The following SLIT3 variants were observed in gnomAD, a reference collection of about 807,000 sequenced individuals.
SLIT3 encodes the protein slit guidance ligand 3.
Under a neutral mutation model 184.0 loss-of-function variants are expected in SLIT3, and 68 were observed. The ratio of observed to expected loss-of-function variants is 0.37; its 90% CI spans 0.30 to 0.45. The LOEUF is 0.45. Among genes scored for constraint, SLIT3 ranks in the 20% least tolerant of loss-of-function variants. The probability of loss-of-function intolerance (pLI) is 1.00; values close to 1 mark genes in which losing one functional copy is unlikely to be tolerated. For missense variants in SLIT3, 1,707 were observed against 2,026.0 expected (o/e 0.84, Z 3.02); for synonymous variants, 831 against 828.6 (o/e 1.00, Z -0.05).
rs1017047964 is a variant in SLIT3 at position 169,064,246 on chromosome 5, G to C, written c.413+129233C>G. On this transcript the variant is annotated intron_variant, in intron 4 of 35. Transcript: ENST00000519560. Reference sequence around the variant, plus strand: ...TAACTGAAGTCGGGAGGGGAGGCAAGGGACAGAACAAACATTCTTTGCCTG... The same window carrying C: ...TAACTGAAGTCGGGAGGGGAGGCAACGGACAGAACAAACATTCTTTGCCTG... 1.1e-4 allele frequency among the ~76,000 whole-genome samples: 17 copies of C among 152,310 alleles called. 1 individual carries two copies. In the East Asian group the frequency reaches 3.3e-3, roughly 29 times the overall value.
At chr5:168,949,494 C>A (rs2113234411) in intron 4 of SLIT3, among the ~76,000 whole-genome samples, 1 of 152,312 alleles carries the variant, frequency 6.6e-6, no homozygotes, top group South Asian at 2.1e-4. Flanking sequence ...AGAGATCTTT[C>A]AAAAGTGTGT....
chr5:169,254,297 C>T (rs548939495), intron 1 of SLIT3, among the ~76,000 whole-genome samples: 9 of 152,240 alleles, frequency 5.9e-5, no homozygotes, highest in South Asian at 4.2e-4. Context: ...CCCACTGTCC[C>T]GGCCCAGGCT....
At chr5:169,281,881 C>CG (rs61127502) in intron 1 of SLIT3, among the ~76,000 whole-genome samples, 33 of 151,980 alleles carry the variant, frequency 2.2e-4, no homozygotes, top group Middle Eastern at 3.2e-3. Context: ...ATTTTCCCCC[C>CG]CAGGGGACAT....
chr5:169,068,924 A>T (rs529334759), intron 4 of SLIT3, among the ~76,000 whole-genome samples: 12 of 152,306 alleles, frequency 7.9e-5, no homozygotes, highest in African/African-American at 2.9e-4. Context: ...AGTGGCAATT[A>T]AATTTCAATT....
intron 3 of SLIT3, among the ~76,000 whole-genome samples, chr5:169,221,394 G>T (rs543081233): frequency 9.9e-5 from 15 of 152,258 alleles, no homozygotes; most frequent in Admixed American, 9.2e-4. Context: ...ACACTGGGCA[G>T]AATCGTGGAC....
intron 4 of SLIT3, among the ~76,000 whole-genome samples, chr5:168,962,630 C>A (rs936146063): frequency 6.6e-5 from 10 of 152,158 alleles, no homozygotes; most frequent in Admixed American, 5.2e-4. Flanking sequence ...ATTATCCATA[C>A]CCTGGAGTCC....
In SLIT3 at chr5:169,093,448, A is replaced by G. The variant is rs115275581; in HGVS notation, c.413+100031T>C. ...TTAACTTAATATTCAAAAGAACCCAATGAGGTCCTGGGGCAGGGGCTTGGG... is the reference window on the plus strand; with the variant it reads ...TTAACTTAATATTCAAAAGAACCCAGTGAGGTCCTGGGGCAGGGGCTTGGG... On this transcript the variant is annotated intron_variant, in intron 4 of 35. Transcript: ENST00000519560. Among the ~76,000 whole-genome samples, 1,063 of 139,266 alleles carry G rather than the reference A, an allele frequency of 7.6e-3. 12 individuals are homozygous for G. The highest frequency in any genetic ancestry group is 0.026 in the African/African-American group (993 of 38,788). The allele number at this position is 139,266 out of a possible 152,430, so 91.4% of individuals were successfully genotyped here. A position where few individuals can be genotyped will look rare whatever the true frequency, so the allele number is the denominator to read the frequency against.
chr5:168,856,806 T>TGCGCGC lies in SLIT3; in HGVS notation c.486-12157_486-12152dup, dbSNP rs61149576. Among the ~76,000 whole-genome samples, 234 of 137,800 alleles carry TGCGCGC rather than the reference T, an allele frequency of 1.7e-3. 2 individuals are homozygous for TGCGCGC. Among genetic ancestry groups the TGCGCGC allele is most frequent in the African/African-American group, 6.2e-3 (225 of 36,176 alleles). 90.4% of individuals were successfully genotyped at this position (137,800 alleles called of 152,430 possible). A position where few individuals can be genotyped will look rare whatever the true frequency, so the allele number is the denominator to read the frequency against. On this transcript the variant is annotated intron_variant, in intron 5 of 35. Transcript: ENST00000519560. Reference sequence around the variant, plus strand: ...GTGTGTGTGTGTGTGTGTGTGTGTGTGCGCGCGCGCGCACGCCTTTGTTCA... The same window carrying TGCGCGC: ...GTGTGTGTGTGTGTGTGTGTGTGTGTGCGCGCGCGCGCGCGCGCACGCCTTTGTTCA...
At chr5:169,103,949 C>T (rs1421182731) in intron 4 of SLIT3, among the ~76,000 whole-genome samples, 2 of 152,218 alleles carry the variant, frequency 1.3e-5, no homozygotes, top group African/African-American at 4.8e-5. Flanking sequence ...GGAGTTTCCT[C>T]CAGACCCGTC....
intron 35 of SLIT3, among the ~76,000 whole-genome samples, chr5:168,667,229 C>T (rs1487067463): frequency 6.6e-6 from 1 of 152,154 alleles, no homozygotes; most frequent in Non-Finnish European, 1.5e-5. Context: ...CAGTCACTAC[C>T]ACTCCCAATA....
At chr5:168,808,149 A>ATCTAATG (rs1175057987) in intron 8 of SLIT3, among the ~76,000 whole-genome samples, 1 of 151,926 alleles carries the variant, frequency 6.6e-6, no homozygotes, top group Non-Finnish European at 1.5e-5. Context: ...ACACAAGTGG[A>ATCTAATG]TCTAATGGAG....
At chr5:169,091,248 G>A (rs1454306469) in intron 4 of SLIT3, among the ~76,000 whole-genome samples, 3 of 151,966 alleles carry the variant, frequency 2.0e-5, no homozygotes, top group Non-Finnish European at 2.9e-5. Flanking sequence ...GACTCTACAC[G>A]GCATATCTTC....
intron 9 of SLIT3, among the ~76,000 whole-genome samples, chr5:168,801,309 G>T (rs1284540684): frequency 6.6e-6 from 1 of 152,174 alleles, no homozygotes; most frequent in African/African-American, 2.4e-5. Context: ...GGTTTGTTTT[G>T]TTGTGTTTTT....
intron 22 of SLIT3, among the ~76,000 whole-genome samples, chr5:168,722,692 T>G (rs1271464968): frequency 1.3e-5 from 2 of 152,218 alleles, no homozygotes; most frequent in Non-Finnish European, 2.9e-5. Context: ...CCACAAAAGG[T>G]ATTCCTAAGA....
At chr5:168,873,372 G>A (rs1029359629) in intron 5 of SLIT3, among the ~76,000 whole-genome samples, 2 of 151,740 alleles carry the variant, frequency 1.3e-5, no homozygotes, top group Non-Finnish European at 2.9e-5. Context: ...ACTCACACTC[G>A]TAATCCCAGC....
At chr5:168,683,734 G>T (rs974713422) in intron 32 of SLIT3, among the ~76,000 whole-genome samples, 6 of 152,204 alleles carry the variant, frequency 3.9e-5, no homozygotes, top group Admixed American at 3.3e-4. Context: ...TGGTGATGAG[G>T]TGTCACCTCC....
At chr5:169,183,440 T>C (rs1763234748) in intron 4 of SLIT3, among the ~76,000 whole-genome samples, 1 of 152,156 alleles carries the variant, frequency 6.6e-6, no homozygotes, top group African/African-American at 2.4e-5. Flanking sequence ...TACAACCCTT[T>C]CTCCCTACAT....
chr5:168,666,370 T>G lies in SLIT3; in HGVS notation c.*84A>C. Reference sequence around the variant, plus strand: ...TTCCTCTCCAGCTTCATTTCCTTCATGCTGAATCACCAGGGGGTCCCACAT... The same window carrying G: ...TTCCTCTCCAGCTTCATTTCCTTCAGGCTGAATCACCAGGGGGTCCCACAT... On this transcript the variant is annotated 3_prime_UTR_variant, in exon 36 of 36. Transcript: ENST00000519560. 2 of 1,317,230 alleles carry G rather than the reference T, an allele frequency of 1.5e-6. No homozygotes were observed. The highest frequency in any genetic ancestry group is 1.5e-5 in the African/African-American group (1 of 68,112). 81.6% of individuals were successfully genotyped at this position (1,317,230 alleles called of 1,614,324 possible).
chr5:168,887,284 G>C (rs1760256295), intron 4 of SLIT3, among the ~76,000 whole-genome samples: 1 of 152,160 alleles, frequency 6.6e-6, no homozygotes, highest in Non-Finnish European at 1.5e-5. Flanking sequence ...CATGCTACCA[G>C]GAAATCCTGT....
Sources: gnomAD v4.1 joint callset for allele counts (sites outside exome capture counted in the v4.1 genomes callset) on GRCh38, gnomAD v4.1.1 for gene constraint, MANE v1.5 for transcripts, NCBI Gene and HGNC (gene_info 2026-07-23, HGNC 2026-07-21) for gene names.